PPP1R1C: variants seen among roughly 807,000 people sequenced by gnomAD.
PPP1R1C encodes the protein protein phosphatase 1 regulatory subunit 1C.
PPP1R1C carries 15 observed loss-of-function variants against 17.4 expected under a neutral mutation model. That is an observed-to-expected ratio of 0.86 (90% CI 0.58 to 1.33). PPP1R1C has a LOEUF of 1.33. PPP1R1C is among the 40% of genes most tolerant of loss of function. The pLI is 0.00. For missense variants in PPP1R1C, 143 were observed against 130.0 expected (o/e 1.10, Z -0.48); for synonymous variants, 35 against 43.1 (o/e 0.81, Z 0.73).
intron 4 of PPP1R1C, among the ~76,000 whole-genome samples, chr2:182,082,522 G>C (rs1688510195): frequency 6.6e-6 from 1 of 152,072 alleles, no homozygotes; most frequent in Admixed American, 6.6e-5. Flanking sequence ...CTTGGTCATG[G>C]AGGAGGCCTG....
chr2:181,985,387 C>T (rs1201525185), upstream of PPP1R1C, among the ~76,000 whole-genome samples: 3 of 152,164 alleles, frequency 2.0e-5, no homozygotes. This position sits in a 1 kb window ranked among gnomAD's most constrained non-coding sequence, Gnocchi z 4.1. Flanking sequence ...AGATGGAACT[C>T]GAACTAAGAT....
chr2:181,993,359 G>T (rs1241842077), intron 2 of PPP1R1C, among the ~76,000 whole-genome samples: 1 of 152,014 alleles, frequency 6.6e-6, no homozygotes, highest in African/African-American at 2.4e-5. Flanking sequence ...GAAGTTTCTG[G>T]GGACTCTTAA....
chr2:182,054,717 G>A (rs1408238057), intron 2 of PPP1R1C, among the ~76,000 whole-genome samples: 1 of 152,122 alleles, frequency 6.6e-6, no homozygotes, highest in Non-Finnish European at 1.5e-5. Flanking sequence ...CTAGAATGCA[G>A]TGGTATGATC....
chr2:181,995,332 C>G (rs1350949469), intron 2 of PPP1R1C, among the ~76,000 whole-genome samples: 1 of 152,154 alleles, frequency 6.6e-6, no homozygotes, highest in Non-Finnish European at 1.5e-5. Flanking sequence ...TGGAATCACT[C>G]AGGTCTGGAT....
intron 4 of PPP1R1C, among the ~76,000 whole-genome samples, chr2:182,083,178 T>G (rs1267696755): frequency 6.6e-6 from 1 of 152,224 alleles, no homozygotes; most frequent in Admixed American, 6.5e-5. Flanking sequence ...CTTTCAATTG[T>G]GTACAAGTTT....
chr2:182,074,409 C>A (rs1399291058), intron 4 of PPP1R1C, among the ~76,000 whole-genome samples: 1 of 152,074 alleles, frequency 6.6e-6, no homozygotes, highest in Non-Finnish European at 1.5e-5. Context: ...CTTATTTCTA[C>A]AAGAATGGAC....
intron 2 of PPP1R1C, among the ~76,000 whole-genome samples, chr2:182,029,622 C>G (rs1686750337): frequency 7.7e-6 from 1 of 129,374 alleles, no homozygotes; most frequent in Non-Finnish European, 1.6e-5. Flanking sequence ...GTAACCCGAC[C>G]TTTCTCTCTG....
rs537277088 is a variant in PPP1R1C at position 182,063,785 on chromosome 2, A to G, written c.235A>G (p.Ile79Val). ...RKQSVYTPPTIKGVKHLKGQN... is the reference protein window; with the variant it reads ...RKQSVYTPPTVKGVKHLKGQN... ...GCAGAGTGTGTACACACCACCCACC[A>G]TAAAAGGTACTGTTCAGGTACTGTT... The change falls in exon 4 of 5, where the codon ATA becomes GTA. Residue 79 changes from isoleucine (I) to valine (V), a missense_variant. Coordinates refer to ENST00000682840, the MANE Select transcript of PPP1R1C (RefSeq NM_001080545.3). 34 of 1,612,324 alleles carry G rather than the reference A, an allele frequency of 2.1e-5. No individual in the cohort carries two copies. The Admixed American group carries it at 3.3e-4, about 16-fold the overall frequency.
At chr2:181,960,581 C>G (rs1190379279) in intron 1 of PPP1R1C, among the ~76,000 whole-genome samples, 1 of 152,246 alleles carries the variant, frequency 6.6e-6, no homozygotes, top group East Asian at 1.9e-4. Flanking sequence ...TTTCTCCAAA[C>G]ACCTCTCTCT....
chr2:182,069,422 A>T (rs1278610516), intron 4 of PPP1R1C, among the ~76,000 whole-genome samples: 1 of 151,948 alleles, frequency 6.6e-6, no homozygotes, highest in Non-Finnish European at 1.5e-5. Context: ...GCAATTTGAG[A>T]ATGTACCTTT....
intron 4 of PPP1R1C, among the ~76,000 whole-genome samples, chr2:182,079,319 A>G (rs1023009631): frequency 1.3e-5 from 2 of 152,202 alleles, no homozygotes; most frequent in South Asian, 2.1e-4. Flanking sequence ...TCTAATAGCT[A>G]GATAAGGAAA....
At chr2:182,081,873 G>GT (rs1432331730) in intron 4 of PPP1R1C, among the ~76,000 whole-genome samples, 1 of 151,886 alleles carries the variant, frequency 6.6e-6, no homozygotes, top group Non-Finnish European at 1.5e-5. Context: ...TACCAATTCC[G>GT]TATGTCCACA....
At chr2:182,075,246 A>G (rs1208745809) in intron 4 of PPP1R1C, among the ~76,000 whole-genome samples, 1 of 152,170 alleles carries the variant, frequency 6.6e-6, no homozygotes, top group East Asian at 1.9e-4. Context: ...ACTTAAAATG[A>G]TTTTAATTGA....
chr2:182,127,687 C>T (rs868458733), intron 5 of PPP1R1C, among the ~76,000 whole-genome samples: 8 of 151,974 alleles, frequency 5.3e-5, no homozygotes, highest in Non-Finnish European at 7.4e-5. Flanking sequence ...ACTGTGTCAC[C>T]GGACTATCCC....
rs200652071 is a variant in PPP1R1C, at chr2:182,063,812, C to T, written c.241+21C>T. The T allele has an allele frequency of 5.0e-5, 80 of 1,606,962 alleles. No individual in the cohort carries two copies. In the East Asian group the frequency reaches 8.0e-4, roughly 16 times the overall value. On this transcript the variant is annotated intron_variant, in intron 4 of 4. Coordinates refer to ENST00000682840, the MANE Select transcript of PPP1R1C (RefSeq NM_001080545.3). ...AAAAGGTACTGTTCAGGTACTGTTT[C>T]GGGTTGTCATGAGTGGTGAATCATG... is the stretch of plus-strand genomic sequence containing the variant.
At chr2:182,064,473 G>A (rs1462387695) in intron 4 of PPP1R1C, among the ~76,000 whole-genome samples, 1 of 152,002 alleles carries the variant, frequency 6.6e-6, no homozygotes, top group Non-Finnish European at 1.5e-5. Flanking sequence ...CTGGTGCTTG[G>A]GCTGTGGGCC....
chr2:182,024,665 T>G (rs1686537438), intron 2 of PPP1R1C, among the ~76,000 whole-genome samples: 1 of 151,956 alleles, frequency 6.6e-6, no homozygotes, highest in African/African-American at 2.4e-5. Flanking sequence ...GAGACCAGCC[T>G]GCAACACGGT....
chr2:182,021,437 C>G (rs994421786), intron 2 of PPP1R1C, among the ~76,000 whole-genome samples: 2 of 151,050 alleles, frequency 1.3e-5, no homozygotes, highest in African/African-American at 4.9e-5. Flanking sequence ...ATGCAACTCT[C>G]CTGCCTCAGC....
chr2:182,088,019 G>A (rs1018929024), intron 4 of PPP1R1C, among the ~76,000 whole-genome samples: 1 of 152,206 alleles, frequency 6.6e-6, no homozygotes, highest in East Asian at 1.9e-4. Context: ...GAAGAAGAAT[G>A]ATCTCTTGCT....
Sources: gnomAD v4.1 joint callset for allele counts (sites outside exome capture counted in the v4.1 genomes callset) on GRCh38, gnomAD v4.1.1 for gene constraint, Gnocchi (gnomAD v3.1) non-coding constraint, MANE v1.5 for transcripts, NCBI Gene and HGNC (gene_info 2026-07-23, HGNC 2026-07-21) for gene names.